STT3B: variants seen among roughly 807,000 people sequenced by gnomAD.
STT3B encodes dolichyl-diphosphooligosaccharide--protein glycosyltransferase subunit STT3B.
A neutral mutation model predicts 96.8 loss-of-function variants in STT3B; 29 were observed. That is an observed-to-expected ratio of 0.30 (90% CI 0.22 to 0.41). The LOEUF (loss-of-function observed/expected upper bound fraction) is 0.41. Among genes scored for constraint, STT3B ranks in the 10% least tolerant of loss-of-function variants. The probability of loss-of-function intolerance (pLI) is 1.00; values close to 1 mark genes in which losing one functional copy is unlikely to be tolerated. For synonymous variants in STT3B, 367 were observed against 360.0 expected, an observed-to-expected ratio of 1.02 and a Z score of -0.22; for missense variants, 640 against 1,022.3, an observed-to-expected ratio of 0.63 and a Z score of 5.10.
At chr3:31,625,243 G>C (rs867372818) in intron 12 of STT3B, among the ~76,000 whole-genome samples, 158 bp downstream of exon 12, 9 of 152,288 alleles carry the variant, frequency 5.9e-5, no homozygotes, top group Middle Eastern at 6.8e-3. Flanking sequence ...AGTTCAAGGT[G>C]TGCTTATTTT....
chr3:31,622,193 C>T lies in STT3B; in HGVS notation c.1424C>T (p.Ala475Val), dbSNP rs751705264. 1.2e-6 allele frequency: 2 copies of T among 1,614,064 alleles called. No homozygotes were observed. Among genetic ancestry groups the T allele is most frequent in the Non-Finnish European group, 8.5e-7 (1 of 1,179,968 alleles). ...TPVVCMLSAIAFSNVFEHYLG... is the reference protein window; with the variant it reads ...TPVVCMLSAIVFSNVFEHYLG... ...GTCGTGTGTATGCTGTCTGCAATTG[C>T]CTTTTCAAATGTTTTTGAGCACTAT... Residue 475 changes from alanine to valine, a missense_variant, in exon 10 of 16, where the codon GCC (alanine) becomes GTC (valine). Physicochemically the swap from Ala to Val is moderately conservative, Grantham distance 64. Around this residue, in one of 8 missense-constraint regions of STT3B, gnomAD observed 149 missense variants for 250.2 expected, o/e 0.60. Transcript: ENST00000295770.
intron 1 of STT3B, among the ~76,000 whole-genome samples, chr3:31,550,692 T>G (rs569197792): frequency 6.6e-6 from 1 of 152,342 alleles, no homozygotes; most frequent in East Asian, 1.9e-4. Flanking sequence ...TTCCATATTT[T>G]AAGTTATAAA....
chr3:31,579,359 G>C (rs1368286005), intron 2 of STT3B, among the ~76,000 whole-genome samples: 1 of 150,616 alleles, frequency 6.6e-6, no homozygotes, highest in East Asian at 1.9e-4. Flanking sequence ...ATAATTTTGT[G>C]TGTAATTTTT....
At chr3:31,579,737 G>A (rs71323050) in intron 2 of STT3B, 72 bp from the exon 3 acceptor site, 1 of 633,286 alleles carries the variant, frequency 1.6e-6, no homozygotes, top group Middle Eastern at 3.5e-4. Context: ...ATGTAATGAT[G>A]AAGAGTACAT....
At chr3:31,595,672 A>T (rs1284514914) in intron 3 of STT3B, among the ~76,000 whole-genome samples, 1 of 152,184 alleles carries the variant, frequency 6.6e-6, no homozygotes, top group Admixed American at 6.5e-5. Flanking sequence ...GTTTCTATGA[A>T]ATATGGTATA....
At chr3:31,560,666 T>G (rs1697856177) in intron 1 of STT3B, among the ~76,000 whole-genome samples, 1 of 152,124 alleles carries the variant, frequency 6.6e-6, no homozygotes, top group Non-Finnish European at 1.5e-5. Context: ...TCTTTTCTCT[T>G]GCTGTTTGTG....
At chr3:31,572,107 T>G (rs947786987) in intron 1 of STT3B, among the ~76,000 whole-genome samples, 3 of 141,666 alleles carry the variant, frequency 2.1e-5, no homozygotes, top group Non-Finnish European at 3.0e-5. Flanking sequence ...ATTAAATATA[T>G]ATATTATATA....
intron 4 of STT3B, among the ~76,000 whole-genome samples, chr3:31,598,839 C>T (rs1357012873): frequency 3.4e-5 from 5 of 147,092 alleles, no homozygotes; most frequent in Admixed American, 2.0e-4. Flanking sequence ...GATGGAGTTT[C>T]GCTCTTGTTG....
chr3:31,629,525 C>T (rs1371688134), intron 14 of STT3B, 114 bp downstream of exon 14: 4 of 546,440 alleles, frequency 7.3e-6, no homozygotes, highest in Non-Finnish European at 1.3e-5. Context: ...GAGAAATGTG[C>T]TTATCTAAAT....
intron 5 of STT3B, among the ~76,000 whole-genome samples, chr3:31,608,111 A>G (rs1476746617): frequency 1.3e-5 from 2 of 152,182 alleles, no homozygotes; most frequent in Non-Finnish European, 2.9e-5. Context: ...ATGCAATATT[A>G]TTATTTGCAT....
intron 15 of STT3B, among the ~76,000 whole-genome samples, chr3:31,634,823 G>A (rs1699728326): frequency 6.6e-6 from 1 of 152,158 alleles, no homozygotes; most frequent in South Asian, 2.1e-4. Flanking sequence ...GAATCTGGAT[G>A]TAATTATAAT....
At chr3:31,626,951 A>T (rs1699550748) in intron 13 of STT3B, among the ~76,000 whole-genome samples, 1 of 152,052 alleles carries the variant, frequency 6.6e-6, no homozygotes, top group Admixed American at 6.5e-5. Context: ...CTAGCCCCTG[A>T]AACTTGCTTG....
chr3:31,621,159 A>G, intron 9 of STT3B, among the ~76,000 whole-genome samples: 1 of 152,238 alleles, frequency 6.6e-6, no homozygotes. Context: ...CAACACAACA[A>G]TCATTAAAGA....
At chr3:31,556,795 T>C (rs138638774) in intron 1 of STT3B, among the ~76,000 whole-genome samples, 12 of 152,362 alleles carry the variant, frequency 7.9e-5, no homozygotes, top group African/African-American at 2.9e-4. Context: ...ATTAGTCCCT[T>C]GTTGAATGAA....
chr3:31,626,607 C>T (rs1699544664), intron 13 of STT3B, among the ~76,000 whole-genome samples: 1 of 152,128 alleles, frequency 6.6e-6, no homozygotes, highest in Non-Finnish European at 1.5e-5. Flanking sequence ...TGAGTTAAAA[C>T]TAAAACTGTC....
chr3:31,634,899 C>T (rs1575451858), intron 15 of STT3B, among the ~76,000 whole-genome samples: 2 of 152,060 alleles, frequency 1.3e-5, no homozygotes, highest in South Asian at 2.1e-4. Flanking sequence ...TTACTTTGTG[C>T]CTTAATAACA....
intron 3 of STT3B, among the ~76,000 whole-genome samples, chr3:31,592,985 C>T (rs1698699420): frequency 6.6e-6 from 1 of 152,144 alleles, no homozygotes; most frequent in Admixed American, 6.5e-5. Context: ...TGACAAAAAG[C>T]AGCAATCAGT....
rs1699038461 is a variant in STT3B, at chr3:31,605,805, A to G, written c.877+5346A>G. On this transcript the variant is annotated intron_variant, in intron 5 of 15. Coordinates refer to ENST00000295770, the MANE Select transcript of STT3B (RefSeq NM_178862.3). ...GGAAGCACCTTTGGAACTGGGTAAC[A>G]GACAGATAGATATTGGAACAGTTAA... is the stretch of plus-strand genomic sequence containing the variant. 2.0e-5 allele frequency among the ~76,000 whole-genome samples: 3 copies of G among 152,230 alleles called. 1 individual carries two copies. In the South Asian group the frequency reaches 6.2e-4, roughly 32 times the overall value.
intron 10 of STT3B, among the ~76,000 whole-genome samples, chr3:31,622,734 T>C (rs1293353427): frequency 6.6e-6 from 1 of 152,166 alleles, no homozygotes; most frequent in East Asian, 1.9e-4. Context: ...TGACATTTGA[T>C]TGGTTGAACA....
Sources: gnomAD v4.1 joint callset for allele counts (sites outside exome capture counted in the v4.1 genomes callset) on GRCh38, gnomAD v4.1.1 for gene constraint, gnomAD v4.1.1 regional missense constraint, MANE v1.5 for transcripts, NCBI Gene and HGNC (gene_info 2026-07-23, HGNC 2026-07-21) for gene names.